The following DENND1B variants were observed in gnomAD, a reference collection of about 807,000 sequenced individuals.
DENND1B encodes DENN domain-containing protein 1B.
DENND1B carries 59 observed loss-of-function variants against 90.1 expected under a neutral mutation model. The ratio of observed to expected loss-of-function variants is 0.65; its 90% CI spans 0.53 to 0.81. DENND1B has a LOEUF of 0.81. Among genes scored for constraint, DENND1B ranks in the 40% least tolerant of loss-of-function variants. The probability of loss-of-function intolerance (pLI) is 0.00; values close to 1 mark genes in which losing one functional copy is unlikely to be tolerated. For missense variants in DENND1B, 862 were observed against 912.6 expected (o/e 0.94, Z 0.71); for synonymous variants, 337 against 324.6 (o/e 1.04, Z -0.41).
chr1:197,524,593 A>T (rs1365012676), intron 20 of DENND1B, among the ~76,000 whole-genome samples: 1 of 152,106 alleles, frequency 6.6e-6, no homozygotes, highest in Admixed American at 6.6e-5. Flanking sequence ...CAATGAAGTA[A>T]AGTCTTTCTG....
intron 10 of DENND1B, among the ~76,000 whole-genome samples, chr1:197,619,436 G>C (rs1467399799): frequency 6.6e-6 from 1 of 151,042 alleles, no homozygotes; most frequent in Non-Finnish European, 1.5e-5. Context: ...GGCTAAAAGA[G>C]CTTATGAAGC....
chr1:197,770,558 A>G (rs554241122), intron 2 of DENND1B, among the ~76,000 whole-genome samples: 1 of 150,434 alleles, frequency 6.6e-6, no homozygotes, highest in South Asian at 2.1e-4. Flanking sequence ...TTAAAATTAG[A>G]GAATCCATAT....
chr1:197,552,869 T>C (rs1386781782), intron 16 of DENND1B, 153 bp downstream of exon 16: 4 of 1,412,008 alleles, frequency 2.8e-6, no homozygotes, highest in African/African-American at 3.0e-5. Context: ...GCTAATTCCA[T>C]AGCTTTTATA....
At chr1:197,552,949 A>T in intron 16 of DENND1B, 73 bp downstream of exon 16, 2 of 1,541,724 alleles carry the variant, frequency 1.3e-6, no homozygotes, top group Non-Finnish European at 1.7e-6. Context: ...AATAGGTTTT[A>T]TCAGACACAA....
intron 5 of DENND1B, 53 bp downstream of exon 5, chr1:197,671,984 T>C: frequency 6.4e-7 from 1 of 1,573,070 alleles, no homozygotes; most frequent in Non-Finnish European, 8.6e-7. Context: ...CAAAGTACAA[T>C]AGAGAGATAG....
chr1:197,728,233 G>A (rs1661830846), intron 2 of DENND1B, among the ~76,000 whole-genome samples: 1 of 152,074 alleles, frequency 6.6e-6, no homozygotes, highest in South Asian at 2.1e-4. Context: ...TGCTGTTCTG[G>A]TTGAAAACTA....
rs78081241 is a variant in DENND1B at position 197,618,695 on chromosome 1, C to T, written c.673-936G>A. 5.7e-3 allele frequency among the ~76,000 whole-genome samples: 861 copies of T among 151,058 alleles called. 11 individuals are homozygous for T. The highest frequency in any genetic ancestry group is 0.019 in the African/African-American group (805 of 41,336). Reference sequence around the variant, plus strand: ...ATAAAGCAATAATTAAATCAGCATTCTTAATCATTTTAAAGTTTTGCTATA... The same window carrying T: ...ATAAAGCAATAATTAAATCAGCATTTTTAATCATTTTAAAGTTTTGCTATA... On this transcript the variant is annotated intron_variant, in intron 10 of 22. Transcript: ENST00000620048.
chr1:197,637,294 T>C (rs1284148022), intron 10 of DENND1B, among the ~76,000 whole-genome samples: 1 of 152,142 alleles, frequency 6.6e-6, no homozygotes, highest in East Asian at 1.9e-4. Flanking sequence ...TCTGTGGATA[T>C]CATACAGGAA....
At position 197,545,998 on chromosome 1, in the gene DENND1B, AG is replaced by A; in HGVS notation, c.1282-9del. 1 of 1,592,736 alleles carries A rather than the reference AG, an allele frequency of 6.3e-7. No homozygotes were observed. The highest frequency in any genetic ancestry group is 8.5e-7 in the Non-Finnish European group (1 of 1,173,996). Reference sequence around the variant, plus strand: ...GAACAGTGCACCTCCTTTCTGCAAAAGAAAAACAGAAACATATTTCCAAAAA... The same window carrying A: ...GAACAGTGCACCTCCTTTCTGCAAAAAAAAACAGAAACATATTTCCAAAAA... On this transcript the variant is annotated splice_polypyrimidine_tract_variant and intron_variant, in intron 17 of 22. Transcript: ENST00000620048.
chr1:197,643,277 C>T (rs556991215), intron 9 of DENND1B, among the ~76,000 whole-genome samples: 2 of 151,874 alleles, frequency 1.3e-5, no homozygotes, highest in East Asian at 3.9e-4. Context: ...GCTTCAGCCA[C>T]CAGAGTAGCT....
chr1:197,595,144 T>C, intron 14 of DENND1B, 64 bp downstream of exon 14: 1 of 1,530,186 alleles, frequency 6.5e-7, no homozygotes, highest in Non-Finnish European at 8.8e-7. Context: ...GTCTCTTTTT[T>C]TCTGTCTCAT....
chr1:197,692,817 AGTT>A (rs1658044743), intron 3 of DENND1B, among the ~76,000 whole-genome samples: 1 of 151,832 alleles, frequency 6.6e-6, no homozygotes, highest in South Asian at 2.1e-4. Context: ...CTATAAAAGC[AGTT>A]GTTCTTGGAG....
intron 14 of DENND1B, among the ~76,000 whole-genome samples, chr1:197,590,818 A>C (rs1412351639): frequency 6.6e-6 from 1 of 152,168 alleles, no homozygotes; most frequent in Non-Finnish European, 1.5e-5. Context: ...GGATATTCAC[A>C]AAGGTCCTTT....
At chr1:197,753,472 G>A (rs932835239) in intron 2 of DENND1B, among the ~76,000 whole-genome samples, 7 of 152,094 alleles carry the variant, frequency 4.6e-5, no homozygotes, top group Middle Eastern at 3.4e-3. Context: ...CTATAATGGG[G>A]GATACGTGTC....
Position 197,691,416 on chromosome 1 carries a change from A to G in DENND1B, c.127-17247T>C, listed in dbSNP as rs191913778. ...AAATCACAGTTGGATATCATTTCAC[A>G]CCTGTGAGAATGCCCATTATCAACA... On this transcript the variant is annotated intron_variant, in intron 3 of 22. Coordinates refer to ENST00000620048, the MANE Select transcript of DENND1B (RefSeq NM_001195215.2). Among the ~76,000 whole-genome samples the G allele has an allele frequency of 1.1e-4, 16 of 152,168 alleles. No individual in the cohort carries two copies. In the East Asian group the frequency reaches 2.9e-3, roughly 28 times the overall value.
At chr1:197,575,890 C>G (rs1244932237) in intron 15 of DENND1B, among the ~76,000 whole-genome samples, 1 of 152,078 alleles carries the variant, frequency 6.6e-6, no homozygotes, top group East Asian at 1.9e-4. Context: ...AATGAGAACA[C>G]TTGGACACAG....
intron 7 of DENND1B, among the ~76,000 whole-genome samples, chr1:197,651,166 TA>T (rs923247766): frequency 1.4e-4 from 22 of 152,216 alleles, no homozygotes; most frequent in Admixed American, 7.2e-4. Flanking sequence ...TGCGACATTA[TA>T]TTTTTTATTC....
chr1:197,665,951 A>G (rs553357417), intron 5 of DENND1B, among the ~76,000 whole-genome samples: 2 of 152,282 alleles, frequency 1.3e-5, no homozygotes, highest in African/African-American at 2.4e-5. Context: ...TGGATAATCA[A>G]GCCATTATTA....
Position 197,646,682 on chromosome 1 carries a change from T to C in DENND1B, c.507+373A>G, listed in dbSNP as rs527639528. Among the ~76,000 whole-genome samples, 4 of 152,108 alleles carry C rather than the reference T, an allele frequency of 2.6e-5. No individual in the cohort carries two copies. The South Asian group carries it at 8.3e-4, about 32-fold the overall frequency. On this transcript the variant is annotated intron_variant, in intron 8 of 22. Transcript: ENST00000620048. ...GTTAACACAGTCATAATCTATAATT[T>C]TCCAGGGTAGAAGAACAATAGGAGA...
Sources: gnomAD v4.1 joint callset for allele counts (sites outside exome capture counted in the v4.1 genomes callset) on GRCh38, gnomAD v4.1.1 for gene constraint, MANE v1.5 for transcripts, NCBI Gene and HGNC (gene_info 2026-07-23, HGNC 2026-07-21) for gene names.